Variants in INVS observed in about 807,000 individuals in gnomAD.
The protein encoded by INVS is inversin.
A neutral mutation model predicts 108.8 loss-of-function variants in INVS; 86 were observed. The ratio of observed to expected loss-of-function variants is 0.79; its 90% CI spans 0.66 to 0.95. The LOEUF (loss-of-function observed/expected upper bound fraction) is 0.95. Ranked by LOEUF, INVS falls within the 40% of genes least tolerant of loss-of-function variation. The pLI is 0.00. For synonymous variants in INVS, 455 were observed against 473.5 expected, an observed-to-expected ratio of 0.96 and a Z score of 0.51; for missense variants, 1,169 against 1,297.4, an observed-to-expected ratio of 0.90 and a Z score of 1.52.
intron 14 of INVS, among the ~76,000 whole-genome samples, chr9:100,296,042 T>A (rs1833780962): frequency 6.6e-6 from 1 of 152,156 alleles, no homozygotes; most frequent in Non-Finnish European, 1.5e-5. Flanking sequence ...AGGGAGGGGC[T>A]GCACCAAGCG....
intron 2 of INVS, among the ~76,000 whole-genome samples, chr9:100,120,120 T>C (rs1408697607): frequency 6.6e-6 from 1 of 152,186 alleles, no homozygotes; most frequent in East Asian, 1.9e-4. Context: ...CTAAAACATA[T>C]GGGAGCCCTG....
At chr9:100,152,861 C>G (rs1215536844) in intron 3 of INVS, among the ~76,000 whole-genome samples, 3 of 152,064 alleles carry the variant, frequency 2.0e-5, no homozygotes, top group African/African-American at 7.2e-5. Flanking sequence ...CAAGTCTTTC[C>G]TGTCACTTTG....
At chr9:100,120,758 T>C (rs1827703891) in intron 2 of INVS, 2 of 152,172 alleles carry the variant, frequency 1.3e-5, no homozygotes, top group Admixed American at 1.3e-4. Context: ...GGTACCTGGG[T>C]GGAGAATCAA....
chr9:100,251,502 A>G (rs779298645), intron 8 of INVS, among the ~76,000 whole-genome samples: 39 of 152,268 alleles, frequency 2.6e-4, no homozygotes, highest in Non-Finnish European at 5.1e-4. Context: ...ACCTCTGGAC[A>G]GCACAAGAGA....
intron 10 of INVS, among the ~76,000 whole-genome samples, chr9:100,260,291 G>A (rs1206639396): frequency 1.4e-5 from 2 of 147,314 alleles, no homozygotes; most frequent in African/African-American, 5.0e-5. Context: ...CCAGGTTCAA[G>A]CGATTCTTCT....
rs1831310428 is a variant in INVS at position 100,226,122 on chromosome 9, C to T, written c.334C>T (p.Leu112=). Residue 112 remains leucine, a synonymous_variant, in exon 4 of 17, where the codon CTG becomes TTG. Coordinates refer to ENST00000262457, the MANE Select transcript of INVS (RefSeq NM_014425.5). ...TRRANWMQKD[L]EEMTPLHLTT... is the part of the protein sequence containing the mutation. Reference sequence around the variant, plus strand: ...CAGAGCAAACTGGATGCAAAAGGATCTGGAAGAGATGACTCCTTTGCACTT... The same window carrying T: ...CAGAGCAAACTGGATGCAAAAGGATTTGGAAGAGATGACTCCTTTGCACTT... 6.2e-7 allele frequency: 1 copy of T among 1,613,702 alleles called. No individual in the cohort carries two copies. The highest frequency in any genetic ancestry group is 1.1e-5 in the South Asian group (1 of 91,036).
At chr9:100,272,194 C>CT (rs995783349) in intron 11 of INVS, among the ~76,000 whole-genome samples, 1 of 152,094 alleles carries the variant, frequency 6.6e-6, no homozygotes, top group Admixed American at 6.5e-5. Context: ...ATTTTGTATC[C>CT]TTTTTTTAGA....
At chr9:100,241,892 G>A (rs907688797) in intron 6 of INVS, among the ~76,000 whole-genome samples, 8 of 152,050 alleles carry the variant, frequency 5.3e-5, no homozygotes, top group African/African-American at 1.4e-4. Context: ...GGTTTCCTAC[G>A]TATGCTACTA....
chr9:100,260,169 C>A (rs1481333245), intron 10 of INVS, among the ~76,000 whole-genome samples: 3 of 143,834 alleles, frequency 2.1e-5, no homozygotes, highest in Non-Finnish European at 3.0e-5. Context: ...CATGTCCGAC[C>A]TATTACATTT....
chr9:100,241,635 T>C (rs1407984750), intron 6 of INVS, among the ~76,000 whole-genome samples: 1 of 152,232 alleles, frequency 6.6e-6, no homozygotes, highest in Non-Finnish European at 1.5e-5. Flanking sequence ...ACTGAATTTT[T>C]CCCTTTATTT....
At chr9:100,213,435 G>A (rs1183546794) in intron 3 of INVS, among the ~76,000 whole-genome samples, 2 of 151,550 alleles carry the variant, frequency 1.3e-5, no homozygotes, top group African/African-American at 4.9e-5. Flanking sequence ...CTAACTCCTG[G>A]GCTCGAGTGA....
At position 100,188,971 on chromosome 9, in the gene INVS, CT is replaced by C. The variant is rs1335837267; in HGVS notation, c.274-37088del. Among the ~76,000 whole-genome samples the C allele has an allele frequency of 3.3e-5, 5 of 151,928 alleles. No individual in the cohort carries two copies. In the South Asian group the frequency reaches 1.0e-3, roughly 31 times the overall value. On this transcript the variant is annotated intron_variant, in intron 3 of 16. Transcript: ENST00000262457. ...TTATCCATTTCCTCTAGATTTCCTA[CT>C]TTGTGTGCATAGAGGTGTTCACAGT...
chr9:100,271,388 G>C (rs1030559564), intron 11 of INVS, among the ~76,000 whole-genome samples: 3 of 152,180 alleles, frequency 2.0e-5, no homozygotes, highest in Admixed American at 2.0e-4. Context: ...TGTTTAAGCA[G>C]TCCTCTGTTG....
At chr9:100,221,534 G>A (rs1184729222) in intron 3 of INVS, among the ~76,000 whole-genome samples, 1 of 152,174 alleles carries the variant, frequency 6.6e-6, no homozygotes, top group East Asian at 1.9e-4. Context: ...TTCTAGTCCA[G>A]CCTTCATAGA....
At chr9:100,248,254 A>G (rs775944650) in intron 8 of INVS, among the ~76,000 whole-genome samples, 5 of 152,196 alleles carry the variant, frequency 3.3e-5, no homozygotes, top group Non-Finnish European at 7.3e-5. Flanking sequence ...ATTTTAGTTT[A>G]ACTTTTTCAG....
intron 2 of INVS, among the ~76,000 whole-genome samples, chr9:100,114,021 A>G (rs1827427352): frequency 6.6e-6 from 1 of 152,224 alleles, no homozygotes; most frequent in Non-Finnish European, 1.5e-5. Flanking sequence ...GATTATCTGT[A>G]ACAAAAGTGG....
intron 3 of INVS, among the ~76,000 whole-genome samples, chr9:100,149,697 A>G (rs1179454911): frequency 1.3e-5 from 2 of 152,140 alleles, no homozygotes; most frequent in East Asian, 1.9e-4. Flanking sequence ...ATGTACTTCT[A>G]TTTACATGGG....
intron 3 of INVS, among the ~76,000 whole-genome samples, chr9:100,132,415 G>T (rs566434719): frequency 6.6e-6 from 1 of 152,226 alleles, no homozygotes; most frequent in East Asian, 1.9e-4. Flanking sequence ...TTTTCTGTGA[G>T]CTTAATTTCT....
chr9:100,100,812 A>G lies in INVS; in HGVS notation c.-25+1396A>G, dbSNP rs1275435404. Reference sequence around the variant, plus strand: ...TATATATATAATATATGTATATATAATATATATAATATATGTATATATAAT... The same window carrying G: ...TATATATATAATATATGTATATATAGTATATATAATATATGTATATATAAT... On this transcript the variant is annotated intron_variant, in intron 1 of 16. Coordinates refer to ENST00000262457, the MANE Select transcript of INVS (RefSeq NM_014425.5). Among the ~76,000 whole-genome samples the G allele has an allele frequency of 0.039, 345 of 8,814 alleles. 111 individuals are homozygous for G. In the Middle Eastern group the frequency reaches 0.4, roughly 10 times the overall value. 5.8% of individuals were successfully genotyped at this position (8,814 alleles called of 152,430 possible).
Sources: gnomAD v4.1 joint callset for allele counts (sites outside exome capture counted in the v4.1 genomes callset) on GRCh38, gnomAD v4.1.1 for gene constraint, MANE v1.5 for transcripts, NCBI Gene and HGNC (gene_info 2026-07-23, HGNC 2026-07-21) for gene names.